EPB41L3: variants seen among roughly 807,000 people sequenced by gnomAD.
EPB41L3 encodes erythrocyte membrane protein band 4.1 like 3, also known as band 4.1-like protein 3.
EPB41L3 carries 57 observed loss-of-function variants against 127.1 expected under a neutral mutation model. The ratio of observed to expected loss-of-function variants is 0.45; its 90% CI spans 0.36 to 0.56. The LOEUF (loss-of-function observed/expected upper bound fraction) is 0.56. EPB41L3 is among the 20% of genes least tolerant of loss of function. The pLI is 0.00. For synonymous variants in EPB41L3, 572 were observed against 549.5 expected (o/e 1.04, Z -0.57); for missense variants, 1,273 against 1,372.2 (o/e 0.93, Z 1.14).
At chr18:5,521,369 G>C (rs550505571) in intron 1 of EPB41L3, 1 of 152,326 alleles carries the variant, frequency 6.6e-6, no homozygotes, top group South Asian at 2.1e-4. Flanking sequence ...GTCCAGAGTA[G>C]GCTAACATTC....
intron 3 of EPB41L3, among the ~76,000 whole-genome samples, chr18:5,468,670 C>T (rs2085464762): frequency 6.6e-6 from 1 of 152,158 alleles, no homozygotes; most frequent in Admixed American, 6.5e-5. Context: ...GTGAAAAGAG[C>T]TACCCGCAGA....
chr18:5,469,785 T>C (rs2085767147), intron 3 of EPB41L3, among the ~76,000 whole-genome samples: 1 of 151,482 alleles, frequency 6.6e-6, no homozygotes, highest in Non-Finnish European at 1.5e-5. Context: ...TTTTTTTTTT[T>C]TTTTTTGAGA....
chr18:5,574,448 T>C (rs2094317188), intron 3 of EPB41L3, among the ~76,000 whole-genome samples: 1 of 151,666 alleles, frequency 6.6e-6, no homozygotes, highest in Admixed American at 6.6e-5. Flanking sequence ...TATTTATTTA[T>C]TTATTATTTT....
At chr18:5,544,723 CAT>C (rs1172719369), upstream of EPB41L3, among the ~76,000 whole-genome samples, 3 of 152,078 alleles carry the variant, frequency 2.0e-5, no homozygotes, top group African/African-American at 7.2e-5. Flanking sequence ...GTGAATAAGA[CAT>C]AGCATCTGAT....
chr18:5,556,951 C>T (rs2094044628), intron 3 of EPB41L3, among the ~76,000 whole-genome samples: 2 of 152,148 alleles, frequency 1.3e-5, no homozygotes, highest in South Asian at 4.2e-4. Context: ...TACCACATGG[C>T]CACTCTCTCT....
At position 5,489,146 on chromosome 18, in the gene EPB41L3, G is replaced by T; in HGVS notation, c.38C>A (p.Pro13Gln). The change falls in exon 2 of 23, where the codon CCG becomes CAG. Residue 13 changes from proline to glutamine, a missense_variant. Coordinates refer to ENST00000341928, the MANE Select transcript of EPB41L3 (RefSeq NM_012307.5). ...TESGSDSESK[P>Q]DQEAEPQEAA... ...CTCCTGGGGCTCGGCCTCCTGGTCC[G>T]GCTTGGATTCCGAGTCTGATCCAGA... is the stretch of plus-strand genomic sequence containing the variant. 2 of 1,595,344 alleles carry T rather than the reference G, an allele frequency of 1.3e-6. No individual in the cohort carries two copies. The highest frequency in any genetic ancestry group is 8.5e-7 in the Non-Finnish European group (1 of 1,174,966).
At chr18:5,573,453 G>A (rs912797055) in intron 3 of EPB41L3, among the ~76,000 whole-genome samples, 4 of 152,180 alleles carry the variant, frequency 2.6e-5, no homozygotes, top group Non-Finnish European at 5.9e-5. Flanking sequence ...GTAGCTATAC[G>A]GAGGAAATGT....
chr18:5,526,255 G>T (rs371958015), intron 1 of EPB41L3, among the ~76,000 whole-genome samples: 1 of 152,128 alleles, frequency 6.6e-6, no homozygotes, highest in Admixed American at 6.6e-5. Context: ...GAGGAGAAGC[G>T]CCTGTATTTC....
At chr18:5,508,925 A>G (rs987530720) in intron 1 of EPB41L3, among the ~76,000 whole-genome samples, 1 of 152,188 alleles carries the variant, frequency 6.6e-6, no homozygotes, top group Non-Finnish European at 1.5e-5. Flanking sequence ...AACAAAGACA[A>G]TCTTTAGAGA....
intron 1 of EPB41L3, among the ~76,000 whole-genome samples, chr18:5,502,168 G>A (rs1423176980): frequency 6.6e-6 from 1 of 152,144 alleles, no homozygotes; most frequent in African/African-American, 2.4e-5. Flanking sequence ...GGACAAAAGT[G>A]ACAGAACAGC....
intron 3 of EPB41L3, among the ~76,000 whole-genome samples, chr18:5,587,349 T>C (rs2094450238): frequency 6.6e-6 from 1 of 152,190 alleles, no homozygotes. Flanking sequence ...GAAAATATTA[T>C]TTTGAGAGAG....
chr18:5,394,474 C>A (rs903666695), intron 22 of EPB41L3: 9 of 522,640 alleles, frequency 1.7e-5, no homozygotes, highest in Non-Finnish European at 2.7e-5. Flanking sequence ...CTCTAACTGG[C>A]AGTGCATGCA....
intron 3 of EPB41L3, among the ~76,000 whole-genome samples, chr18:5,580,100 T>C (rs1021347843): frequency 3.3e-5 from 5 of 152,164 alleles, no homozygotes; most frequent in African/African-American, 9.7e-5. Context: ...CCTGGCTCCA[T>C]TGCCCATGCT....
In EPB41L3 at chr18:5,478,445, A is replaced by G; in HGVS notation, c.184-7T>C. 6.2e-7 allele frequency: 1 copy of G among 1,613,742 alleles called. No individual in the cohort carries two copies. Among genetic ancestry groups the G allele is most frequent in the Non-Finnish European group, 8.5e-7 (1 of 1,179,726 alleles). On this transcript the variant is annotated splice_region_variant and splice_polypyrimidine_tract_variant and intron_variant, in intron 2 of 22. Coordinates refer to ENST00000341928, the MANE Select transcript of EPB41L3 (RefSeq NM_012307.5). The stretch of plus-strand genomic sequence containing the variant: ...CCTGTTCCTTGTCAGTGACCTGTGA[A>G]GAGCAAACAATCAACAGTTTTCATT...
At chr18:5,502,263 A>G (rs1439039052) in intron 1 of EPB41L3, among the ~76,000 whole-genome samples, 2 of 152,146 alleles carry the variant, frequency 1.3e-5, no homozygotes, top group Non-Finnish European at 2.9e-5. Flanking sequence ...TTGAATCCAC[A>G]TATTTCCAGT....
At chr18:5,502,293 A>C (rs1341648663) in intron 1 of EPB41L3, among the ~76,000 whole-genome samples, 1 of 151,364 alleles carries the variant, frequency 6.6e-6, no homozygotes, top group Non-Finnish European at 1.5e-5. Context: ...ACTAACTCAG[A>C]AATAAATTTG....
At chr18:5,528,093 C>A (rs1009824306) in intron 1 of EPB41L3, among the ~76,000 whole-genome samples, 24 of 152,172 alleles carry the variant, frequency 1.6e-4, no homozygotes, top group Non-Finnish European at 2.2e-4. Flanking sequence ...AACACAAATC[C>A]AGAAGAGTCG....
intron 3 of EPB41L3, among the ~76,000 whole-genome samples, chr18:5,454,204 TCC>T (rs1203558234): frequency 1.1e-4 from 16 of 142,276 alleles, no homozygotes; most frequent in Non-Finnish European, 2.1e-4. Flanking sequence ...TTTTTTTGTT[TCC>T]TTGTTTTTTT....
rs747269632 is a variant in EPB41L3 at position 5,419,802 on chromosome 18, T to C, written c.1415A>G (p.Lys472Arg). 6 of 1,614,110 alleles carry C rather than the reference T, an allele frequency of 3.7e-6. No individual in the cohort carries two copies. Among genetic ancestry groups the C allele is most frequent in the Non-Finnish European group, 5.1e-6 (6 of 1,180,046 alleles). ...CTCGTCCCGCTCCTCCTCAGCCTTCTTCTCCGGAGTCACAGTGGTGATCAA... is the reference window on the plus strand; with the variant it reads ...CTCGTCCCGCTCCTCCTCAGCCTTCCTCTCCGGAGTCACAGTGGTGATCAA... ...TNLITTVTPE[K>R]KAEEERDEEE... is the part of the protein sequence containing the mutation. The change falls in exon 12 of 23, where the codon AAG (lysine) becomes AGG (arginine). Residue 472 changes from lysine (K) to arginine (R), a missense_variant. Lys to Arg is a conservative substitution (Grantham distance 26). Around this residue, in one of 3 missense-constraint regions of EPB41L3, gnomAD observed 765 missense variants for 782.9 expected, o/e 0.98. Coordinates refer to ENST00000341928, the MANE Select transcript of EPB41L3 (RefSeq NM_012307.5).
Sources: allele counts gnomAD v4.1 joint callset (sites outside exome capture counted in the v4.1 genomes callset), GRCh38; gene constraint gnomAD v4.1.1; regional missense constraint gnomAD v4.1.1; transcripts MANE v1.5; gene names NCBI Gene and HGNC (gene_info 2026-07-23, HGNC 2026-07-21).